Variants in OSM observed in about 807,000 individuals in gnomAD.
OSM encodes oncostatin-M.
Under a neutral mutation model 6.3 loss-of-function variants are expected in OSM, and 1 was observed. The ratio of observed to expected loss-of-function variants is 0.16; its 90% CI spans 0.06 to 0.76. OSM has a LOEUF of 0.76. Among genes scored for constraint, OSM ranks in the 30% least tolerant of loss-of-function variants. The pLI, the probability that OSM is intolerant of heterozygous loss-of-function variation, is 0.77. For synonymous variants in OSM, 135 were observed against 143.4 expected (o/e 0.94, Z 0.42); for missense variants, 324 against 336.9 (o/e 0.96, Z 0.30).
rs554408336 is a variant in OSM at position 30,266,704 on chromosome 22, C to G, written c.34+62G>C. 1 of 1,590,564 alleles carries G rather than the reference C, an allele frequency of 6.3e-7. No individual in the cohort carries two copies. The highest frequency in any genetic ancestry group is 8.6e-7 in the Non-Finnish European group (1 of 1,161,100). Reference sequence around the variant, plus strand: ...GGAGGGCAGAGGGTGCCTCTGCTCCCCACCGGCACCCGTGGGCAGACCCAG... The same window carrying G: ...GGAGGGCAGAGGGTGCCTCTGCTCCGCACCGGCACCCGTGGGCAGACCCAG... On this transcript the variant is annotated intron_variant, in intron 1 of 2. Coordinates refer to ENST00000215781, the MANE Select transcript of OSM (RefSeq NM_020530.6). The surrounding 1 kb of genome is among the most constrained non-coding windows in gnomAD (Gnocchi z 5.0).
rs968132901 is a variant in OSM, at chr22:30,263,337, C to G, written c.*546G>C. ...TGGCCTGGGACCTGAGCTCCATTCC[C>G]TGGACCCCCGGATCAGGGCTCCTGG... On this transcript the variant is annotated 3_prime_UTR_variant, in exon 3 of 3. Transcript: ENST00000215781. 1 of 152,914 alleles carries G rather than the reference C, an allele frequency of 6.5e-6. No individual in the cohort carries two copies. Among genetic ancestry groups the G allele is most frequent in the African/African-American group, 2.4e-5 (1 of 41,500 alleles). The allele number at this position is 152,914 out of a possible 1,614,324, so 9.5% of individuals were successfully genotyped here. A position where few individuals can be genotyped will look rare whatever the true frequency, so the allele number is the denominator to read the frequency against.
chr22:30,266,704 C>A lies in OSM; in HGVS notation c.34+62G>T, dbSNP rs554408336. The A allele has an allele frequency of 1.6e-5, 26 of 1,590,562 alleles. No individual in the cohort carries two copies. The East Asian group carries it at 5.8e-4, about 36-fold the overall frequency. ...GGAGGGCAGAGGGTGCCTCTGCTCC[C>A]CACCGGCACCCGTGGGCAGACCCAG... On this transcript the variant is annotated intron_variant, in intron 1 of 2. Coordinates refer to ENST00000215781, the MANE Select transcript of OSM (RefSeq NM_020530.6). This position sits in a 1 kb window ranked among gnomAD's most constrained non-coding sequence, Gnocchi z 5.0.
At chr22:30,265,614 G>A (rs1929371258) in intron 1 of OSM, 1 of 166,340 alleles carries the variant, frequency 6.0e-6, no homozygotes, top group Non-Finnish European at 1.3e-5. Context: ...TTCAGGGCAG[G>A]CAGCCCGGGA....
chr22:30,264,863 A>G, intron 2 of OSM, 139 bp downstream of exon 2: 1 of 1,123,466 alleles, frequency 8.9e-7, no homozygotes, highest in Non-Finnish European at 1.3e-6. Context: ...CCTCAGGGTT[A>G]AGGCTGGAAT....
chr22:30,266,750 G>A lies in OSM; in HGVS notation c.34+16C>T, dbSNP rs747702309. The A allele has an allele frequency of 1.2e-5, 20 of 1,612,924 alleles. No homozygotes were observed. The South Asian group carries it at 1.6e-4, about 13-fold the overall frequency. On this transcript the variant is annotated intron_variant, in intron 1 of 2. Transcript: ENST00000215781. The surrounding 1 kb of genome is among the most constrained non-coding windows in gnomAD (Gnocchi z 5.0). ...CCCAGCAGGCGGGTTCTGGCGGGGA[G>A]GAAGGAAGTACTTACTGAGCAGCGT...
In OSM at chr22:30,266,059, A is replaced by C. The variant is rs1326171056; in HGVS notation, c.34+707T>G. Among the ~76,000 whole-genome samples the C allele has an allele frequency of 6.6e-6, 1 of 152,232 alleles. No homozygotes were observed. The highest frequency in any genetic ancestry group is 1.5e-5 in the Non-Finnish European group (1 of 68,044). On this transcript the variant is annotated intron_variant, in intron 1 of 2. Coordinates refer to ENST00000215781, the MANE Select transcript of OSM (RefSeq NM_020530.6). This position sits in a 1 kb window ranked among gnomAD's most constrained non-coding sequence, Gnocchi z 5.0. ...GTTGGGGAGGGCCAAGGGGCCAGGC[A>C]CCCAGGCTTAGCGACCCCACGGCAC...
At chr22:30,265,321 G>A in intron 1 of OSM, 177 bp from the exon 2 acceptor site, 1 of 985,458 alleles carries the variant, frequency 1.0e-6, no homozygotes, top group Non-Finnish European at 1.2e-6. Flanking sequence ...GCCCACCAAG[G>A]CCACCATCAT....
At position 30,264,982 on chromosome 22, in the gene OSM, A is replaced by T; in HGVS notation, c.177+20T>A. The T allele has an allele frequency of 6.2e-7, 1 of 1,611,638 alleles. No individual in the cohort carries two copies. The highest frequency in any genetic ancestry group is 8.5e-7 in the Non-Finnish European group (1 of 1,178,286). The stretch of plus-strand genomic sequence containing the variant: ...CATAGTTCTCTGAGACTCAGATGCC[A>T]CAAGGGCCCAGGTGCTTACATAGGG... On this transcript the variant is annotated intron_variant, in intron 2 of 2. Coordinates refer to ENST00000215781, the MANE Select transcript of OSM (RefSeq NM_020530.6).
intron 2 of OSM, among the ~76,000 whole-genome samples, 177 bp downstream of exon 2, chr22:30,264,825 T>G (rs1009704508): frequency 2.6e-5 from 4 of 152,220 alleles, no homozygotes; most frequent in Admixed American, 2.6e-4. Flanking sequence ...ACCACAGAGC[T>G]AGGAAAGCTG....
chr22:30,264,970 G>A, intron 2 of OSM, 32 bp downstream of exon 2: 1 of 1,608,850 alleles, frequency 6.2e-7, no homozygotes, highest in Non-Finnish European at 8.5e-7. Context: ...AGTTCTCTGA[G>A]ACTCAGATGC....
At position 30,264,130 on chromosome 22, in the gene OSM, C is replaced by T. The variant is rs1223955054; in HGVS notation, c.512G>A (p.Gly171Glu). The change falls in exon 3 of 3, where the codon GGG becomes GAG. Residue 171 changes from glycine to glutamate, a missense_variant. Gly to Glu is a moderately conservative substitution (Grantham distance 98). Coordinates refer to ENST00000215781, the MANE Select transcript of OSM (RefSeq NM_020530.6). Reference sequence around the variant, plus strand: ...GGTGGGGGTGGGCGGCTGAGAGGCCCCCCGGCCAGCCTTCGTGGGCTCAGC... The same window carrying T: ...GGTGGGGGTGGGCGGCTGAGAGGCCTCCCGGCCAGCCTTCGTGGGCTCAGC... The part of the protein sequence containing the change: ...DTAEPTKAGR[G>E]ASQPPTPTPA... 1.2e-6 allele frequency: 2 copies of T among 1,612,504 alleles called. No individual in the cohort carries two copies. Among genetic ancestry groups the T allele is most frequent in the South Asian group, 1.1e-5 (1 of 91,072 alleles).
Position 30,264,008 on chromosome 22 carries a change from A to C in OSM, c.634T>G (p.Trp212Gly). 6.4e-7 allele frequency: 1 copy of C among 1,558,968 alleles called. No individual in the cohort carries two copies. Among genetic ancestry groups the C allele is most frequent in the Non-Finnish European group, 8.7e-7 (1 of 1,150,738 alleles). ...MHSVGRVFSK[W>G]GESPNRSRRH... ...CGGCTCCGGTTCGGGCTCTCCCCCC[A>C]CTTGCTGAAGACCCGCCCCACTGAG... The change falls in exon 3 of 3, where the codon TGG (tryptophan) becomes GGG (glycine). Residue 212 changes from tryptophan (W) to glycine (G), a missense_variant. By Grantham distance (184) the Trp-to-Gly change is radical. Coordinates refer to ENST00000215781, the MANE Select transcript of OSM (RefSeq NM_020530.6).
rs769937589 is a variant in OSM at position 30,264,207 on chromosome 22, C to T, written c.435G>A (p.Gly145=). The T allele has an allele frequency of 3.1e-6, 5 of 1,613,956 alleles. No individual in the cohort carries two copies. Among genetic ancestry groups the T allele is most frequent in the Non-Finnish European group, 4.2e-6 (5 of 1,180,040 alleles). ...CCATGCAGTAGATGTTGTTCCTGAG[C>T]CCGAGGATGTTCGGCCTCGCCATCT... ...KLQMARPNIL[G]LRNNIYCMAQ... The change falls in exon 3 of 3, where the codon GGG becomes GGA. Residue 145 remains glycine (G), a synonymous_variant. Coordinates refer to ENST00000215781, the MANE Select transcript of OSM (RefSeq NM_020530.6).
rs1405433324 is a variant in OSM, at chr22:30,266,060, C to G, written c.34+706G>C. Among the ~76,000 whole-genome samples the G allele has an allele frequency of 6.6e-6, 1 of 152,272 alleles. No homozygotes were observed. Among genetic ancestry groups the G allele is most frequent in the Non-Finnish European group, 1.5e-5 (1 of 68,048 alleles). On this transcript the variant is annotated intron_variant, in intron 1 of 2. Transcript: ENST00000215781. This position sits in a 1 kb window ranked among gnomAD's most constrained non-coding sequence, Gnocchi z 5.0. The stretch of plus-strand genomic sequence containing the variant: ...TTGGGGAGGGCCAAGGGGCCAGGCA[C>G]CCAGGCTTAGCGACCCCACGGCACC...
rs1825982895 is a variant in OSM, at chr22:30,265,258, T to G, written c.35-114A>C. 2.6e-6 allele frequency: 4 copies of G among 1,515,020 alleles called. No individual in the cohort carries two copies. The Admixed American group carries it at 8.0e-5, about 30-fold the overall frequency. The allele number at this position is 1,515,020 out of a possible 1,614,324, so 93.8% of individuals were successfully genotyped here. A position where few individuals can be genotyped will look rare whatever the true frequency, so the allele number is the denominator to read the frequency against. ...GGTGCCTCCTTCATCCCAGACTTTG[T>G]GTAGTGGAGGGCGGGGGCTGGGCAC... On this transcript the variant is annotated intron_variant, in intron 1 of 2. Coordinates refer to ENST00000215781, the MANE Select transcript of OSM (RefSeq NM_020530.6).
rs777177973 is a variant in OSM at position 30,262,836 on chromosome 22, A to G, written c.*1047T>C. ...ACCGTGAGACACAGAGGGTTTAGAA[A>G]CCAGGCAAGTTTTAAATATAAGTTT... On this transcript the variant is annotated 3_prime_UTR_variant, in exon 3 of 3. Coordinates refer to ENST00000215781, the MANE Select transcript of OSM (RefSeq NM_020530.6). The G allele has an allele frequency of 1.3e-5, 2 of 152,794 alleles. No individual in the cohort carries two copies. Among genetic ancestry groups the G allele is most frequent in the African/African-American group, 2.4e-5 (1 of 41,466 alleles). 9.5% of individuals were successfully genotyped at this position (152,794 alleles called of 1,614,324 possible).
chr22:30,264,207 C>A lies in OSM; in HGVS notation c.435G>T (p.Gly145=), dbSNP rs769937589. 6.8e-6 allele frequency: 11 copies of A among 1,614,074 alleles called. No homozygotes were observed. In the East Asian group the frequency reaches 2.2e-4, roughly 33 times the overall value. ...KLQMARPNIL[G]LRNNIYCMAQ... ...CCATGCAGTAGATGTTGTTCCTGAG[C>A]CCGAGGATGTTCGGCCTCGCCATCT... is the stretch of plus-strand genomic sequence containing the variant. Residue 145 remains glycine, a synonymous_variant, in exon 3 of 3, where the codon GGG becomes GGT. Coordinates refer to ENST00000215781, the MANE Select transcript of OSM (RefSeq NM_020530.6).
rs200933685 is a variant in OSM, at chr22:30,266,751, G to A, written c.34+15C>T. On this transcript the variant is annotated intron_variant, in intron 1 of 2. Coordinates refer to ENST00000215781, the MANE Select transcript of OSM (RefSeq NM_020530.6). The surrounding 1 kb of genome is among the most constrained non-coding windows in gnomAD (Gnocchi z 5.0). ...CCAGCAGGCGGGTTCTGGCGGGGAG[G>A]AAGGAAGTACTTACTGAGCAGCGTC... 6.8e-6 allele frequency: 11 copies of A among 1,612,892 alleles called. No homozygotes were observed. The Admixed American group carries it at 1.5e-4, about 22-fold the overall frequency.
chr22:30,264,381 C>A lies in OSM; in HGVS notation c.261G>T (p.Leu87=). The change falls in exon 3 of 3, where the codon CTG becomes CTT. Residue 87 remains leucine, a synonymous_variant. Transcript: ENST00000215781. Reference sequence around the variant, plus strand: ...GGAAGCCCCGCCTGCCCAGCCCCCTCAGGGTCTCCTCACTGGGGAAGGCCC... The same window carrying A: ...GGAAGCCCCGCCTGCCCAGCCCCCTAAGGGTCTCCTCACTGGGGAAGGCCC... ...RPGAFPSEET[L]RGLGRRGFLQ... 1 of 1,614,096 alleles carries A rather than the reference C, an allele frequency of 6.2e-7. No individual in the cohort carries two copies. The highest frequency in any genetic ancestry group is 8.5e-7 in the Non-Finnish European group (1 of 1,180,012).
Sources: allele counts gnomAD v4.1 joint callset (sites outside exome capture counted in the v4.1 genomes callset), GRCh38; gene constraint gnomAD v4.1.1; non-coding constraint Gnocchi (gnomAD v3.1); transcripts MANE v1.5; gene names NCBI Gene and HGNC (gene_info 2026-07-23, HGNC 2026-07-21).